The following TCOF1 variants were observed in gnomAD, a reference collection of about 807,000 sequenced individuals.
TCOF1 encodes treacle ribosome biogenesis factor 1.
Under a neutral mutation model 149.0 loss-of-function variants are expected in TCOF1, and 33 were observed. That is an observed-to-expected ratio of 0.22 (90% CI 0.17 to 0.30). The LOEUF is 0.30. TCOF1 is among the 10% of genes least tolerant of loss of function. The pLI, the probability that TCOF1 is intolerant of heterozygous loss-of-function variation, is 1.00. For synonymous variants in TCOF1, 789 were observed against 738.8 expected, an observed-to-expected ratio of 1.07 and a Z score of -1.10; for missense variants, 1,728 against 1,840.7, an observed-to-expected ratio of 0.94 and a Z score of 1.12.
Position 150,398,412 on chromosome 5 carries a change from A to G in TCOF1, c.4404A>G (p.Lys1468=), listed in dbSNP as rs1561543869. 6.2e-7 allele frequency: 1 copy of G among 1,614,206 alleles called. No individual in the cohort carries two copies. The highest frequency in any genetic ancestry group is 1.7e-5 in the Admixed American group (1 of 60,020). Residue 1468 remains lysine, a synonymous_variant, in exon 25 of 27, where the codon AAA becomes AAG. Transcript: ENST00000643257. ...KKKKAKKAST[K]DSESPSQKKK... is the part of the protein sequence containing the mutation. ...AGAAAGCAAAAAAGGCCTCAACCAA[A>G]GATTCTGAGTCACCGTCCCAGAAGA...
At chr5:150,362,541 G>A (rs1024814167) in intron 2 of TCOF1, among the ~76,000 whole-genome samples, 1 of 152,166 alleles carries the variant, frequency 6.6e-6, no homozygotes, top group Non-Finnish European at 1.5e-5. Flanking sequence ...AGGAAGACAG[G>A]TTTCAGCTTC....
chr5:150,390,043 G>A lies in TCOF1; in HGVS notation c.3183+20G>A, dbSNP rs1767086214. On this transcript the variant is annotated intron_variant, in intron 19 of 26. Transcript: ENST00000643257. ...ACTCAGGTACCTGGTGGGCAAGGGA[G>A]GGTAATGCAGGCCAGTGGGGTGGGG... 6.3e-7 allele frequency: 1 copy of A among 1,592,264 alleles called. No individual in the cohort carries two copies. Among genetic ancestry groups the A allele is most frequent in the Admixed American group, 1.8e-5 (1 of 56,336 alleles).
chr5:150,389,178 A>G (rs978167702), intron 18 of TCOF1, among the ~76,000 whole-genome samples: 7 of 152,248 alleles, frequency 4.6e-5, no homozygotes, highest in Non-Finnish European at 8.8e-5. Flanking sequence ...AGATTAGCAC[A>G]TAAGAAACTA....
intron 17 of TCOF1, among the ~76,000 whole-genome samples, chr5:150,387,534 G>C (rs1864957): frequency 6.6e-6 from 1 of 151,904 alleles, no homozygotes; most frequent in African/African-American, 2.4e-5. Context: ...GAAGCCAGCC[G>C]GGGAAAGAAG....
chr5:150,399,292 C>T (rs777242112), intron 26 of TCOF1, among the ~76,000 whole-genome samples: 2 of 152,178 alleles, frequency 1.3e-5, no homozygotes, highest in African/African-American at 4.8e-5. Flanking sequence ...GTGGTGACAC[C>T]GAGTGCACCT....
chr5:150,364,626 C>T (rs769924732), intron 3 of TCOF1, among the ~76,000 whole-genome samples: 1 of 152,184 alleles, frequency 6.6e-6, no homozygotes, highest in Non-Finnish European at 1.5e-5. Context: ...TCTGTGTGAC[C>T]TGTGGGATGC....
rs143989379 is a variant in TCOF1, at chr5:150,379,378, C to T, written c.2628C>T (p.Asp876=). ...CAGGGAGCAGTGAGGAGGAGTCAGA[C>T]AGTGAGGAGGAGGCGGAGACGCTGG... ...EDSGSSEEES[D]SEEEAETLAQ... is the part of the protein sequence containing the mutation. Residue 876 remains aspartate, a synonymous_variant, in exon 16 of 27, where the codon GAC becomes GAT. Transcript: ENST00000643257. The T allele has an allele frequency of 1.6e-5, 26 of 1,613,962 alleles. No individual in the cohort carries two copies. Among genetic ancestry groups the T allele is most frequent in the Non-Finnish European group, 1.7e-5 (20 of 1,180,000 alleles).
chr5:150,398,315 ACC>A, intron 24 of TCOF1, 37 bp from the exon 25 acceptor site: 2 of 1,612,236 alleles, frequency 1.2e-6, no homozygotes, highest in South Asian at 1.1e-5. Context: ...ACTTAGGATT[ACC>A]ATCTGTTGTT....
intron 17 of TCOF1, chr5:150,384,530 C>G (rs1323799602): frequency 2.0e-5 from 20 of 985,370 alleles, no homozygotes; most frequent in Non-Finnish European, 2.4e-5. Context: ...CTTTACGAGG[C>G]CACCTGCCTC....
In TCOF1 at chr5:150,388,072, A is replaced by G. The variant is rs1197767424; in HGVS notation, c.3030A>G (p.Thr1010=). The change falls in exon 18 of 27, where the codon ACA becomes ACG. Residue 1010 remains threonine, a synonymous_variant. Coordinates refer to ENST00000643257, the MANE Select transcript of TCOF1 (RefSeq NM_001371623.1). ...ESEDEDVIPA[T]QCLTPGIRTN... ...AGGATGAGGACGTGATCCCCGCTAC[A>G]CAGTGCTTGACTCCTGGTGAGCGCA... 6 of 1,613,104 alleles carry G rather than the reference A, an allele frequency of 3.7e-6. No homozygotes were observed. Among genetic ancestry groups the G allele is most frequent in the Non-Finnish European group, 5.1e-6 (6 of 1,179,892 alleles).
At chr5:150,370,419 G>A (rs574529944) in intron 6 of TCOF1, among the ~76,000 whole-genome samples, 3 of 152,338 alleles carry the variant, frequency 2.0e-5, no homozygotes, top group Admixed American at 6.5e-5. Context: ...GCAGTAGCGC[G>A]ATCTTGGCTA....
chr5:150,364,056 T>C, intron 2 of TCOF1, 57 bp from the exon 3 acceptor site: 1 of 1,613,162 alleles, frequency 6.2e-7, no homozygotes, highest in Admixed American at 1.7e-5. Flanking sequence ...GTCTAGTCAA[T>C]TCTTGTGGAG....
At position 150,391,622 on chromosome 5, in the gene TCOF1, C is replaced by G. The variant is rs1364086684; in HGVS notation, c.3262C>G (p.Gln1088Glu). The change falls in exon 20 of 27, where the codon CAG (glutamine) becomes GAG (glutamate). Residue 1088 changes from glutamine to glutamate, a missense_variant. Around this residue, in one of 2 missense-constraint regions of TCOF1, gnomAD observed 1,696 missense variants for 1,765.4 expected, o/e 0.96. Transcript: ENST00000643257. ...KVLAQKASEA[Q>E]PPVARTQPSS... The stretch of plus-strand genomic sequence containing the variant: ...CCTCGCCCAGAAAGCCAGTGAGGCT[C>G]AGCCTCCTGTTGCCAGGACCCAGCC... 1 of 1,614,114 alleles carries G rather than the reference C, an allele frequency of 6.2e-7. No individual in the cohort carries two copies. The highest frequency in any genetic ancestry group is 1.1e-5 in the South Asian group (1 of 91,088).
Position 150,367,890 on chromosome 5 carries a change from G to A in TCOF1, c.351G>A (p.Leu117=). ...STNSSVLGAD[L]PSSMKEKAKA... is the part of the protein sequence containing the mutation. ...ACTCCTCAGTCCTGGGGGCGGACTT[G>A]CCATCAAGCATGAAAGAAAAAGCCA... The change falls in exon 4 of 27, where the codon TTG becomes TTA. Residue 117 remains leucine (L), a synonymous_variant. Transcript: ENST00000643257. The A allele has an allele frequency of 6.2e-7, 1 of 1,614,160 alleles. No homozygotes were observed. Among genetic ancestry groups the A allele is most frequent in the South Asian group, 1.1e-5 (1 of 91,082 alleles).
Position 150,390,034 on chromosome 5 carries a change from G to C in TCOF1, c.3183+11G>C. ...GGACCAGCCACTCAGGTACCTGGTG[G>C]GCAAGGGAGGGTAATGCAGGCCAGT... On this transcript the variant is annotated intron_variant, in intron 19 of 26. Transcript: ENST00000643257. 6.2e-7 allele frequency: 1 copy of C among 1,600,998 alleles called. No individual in the cohort carries two copies. The highest frequency in any genetic ancestry group is 8.5e-7 in the Non-Finnish European group (1 of 1,173,680).
At chr5:150,384,250 C>G in intron 17 of TCOF1, 1 of 991,922 alleles carries the variant, frequency 1.0e-6, no homozygotes, top group South Asian at 4.6e-5. Context: ...ACAACCACCA[C>G]CAACATCGGT....
rs751499197 is a variant in TCOF1 at position 150,375,165 on chromosome 5, T to G, written c.1488+2T>G. On this transcript the variant is annotated splice_donor_variant, in intron 10 of 26. Coordinates refer to ENST00000643257, the MANE Select transcript of TCOF1 (RefSeq NM_001371623.1). LOFTEE classifies it high-confidence loss of function. ...CTGGCAGCCATGAATGCAGCTCAGG[T>G]GAGGCTGGAAGCCGCCCTGCATGGC... is the stretch of plus-strand genomic sequence containing the variant. The G allele has an allele frequency of 6.2e-7, 1 of 1,613,078 alleles. No homozygotes were observed. The highest frequency in any genetic ancestry group is 1.1e-5 in the South Asian group (1 of 91,040).
chr5:150,389,804 G>A, intron 18 of TCOF1, 83 bp from the exon 19 acceptor site: 1 of 1,609,954 alleles, frequency 6.2e-7, no homozygotes, highest in African/African-American at 1.3e-5. Context: ...ACCAGCACAG[G>A]CCGGTAAATT....
chr5:150,370,048 G>C (rs531730362), intron 6 of TCOF1, among the ~76,000 whole-genome samples: 62 of 152,332 alleles, frequency 4.1e-4, no homozygotes, highest in African/African-American at 1.3e-3. Context: ...GCCAGGCCTA[G>C]ACACTTGGCT....
Sources: gnomAD v4.1 joint callset for allele counts (sites outside exome capture counted in the v4.1 genomes callset) on GRCh38, gnomAD v4.1.1 for gene constraint, gnomAD v4.1.1 regional missense constraint, MANE v1.5 for transcripts, NCBI Gene and HGNC (gene_info 2026-07-23, HGNC 2026-07-21) for gene names.